The following MTOR variants were observed in gnomAD, a reference collection of about 807,000 sequenced individuals.
MTOR encodes the protein serine/threonine-protein kinase mTOR.
A neutral mutation model predicts 319.8 loss-of-function variants in MTOR; 70 were observed. The observed-to-expected ratio is 0.22, with a 90% confidence interval of 0.18 to 0.27. MTOR has a LOEUF of 0.27. Among genes scored for constraint, MTOR ranks in the 10% least tolerant of loss-of-function variants. MTOR has a pLI of 1.00. For missense variants in MTOR, 1,890 were observed against 3,274.4 expected, an observed-to-expected ratio of 0.58 and a Z score of 10.32; for synonymous variants, 1,183 against 1,211.4, an observed-to-expected ratio of 0.98 and a Z score of 0.49.
At chr1:11,157,416 C>T in intron 29 of MTOR, 125 bp from the exon 30 acceptor site, 1 of 1,224,288 alleles carries the variant, frequency 8.2e-7, no homozygotes, top group Non-Finnish European at 1.1e-6. Context: ...ACAGTTACGT[C>T]TGGGCTTGGA....
At chr1:11,160,131 G>A (rs375220150) in intron 29 of MTOR, among the ~76,000 whole-genome samples, 6 of 134,398 alleles carry the variant, frequency 4.5e-5, no homozygotes, top group African/African-American at 8.0e-5. Flanking sequence ...GCAGAGTTTC[G>A]CTCTTGTTGC....
At position 11,112,855 on chromosome 1, in the gene MTOR, C is replaced by G; in HGVS notation, c.7363G>C (p.Val2455Leu). 1 of 1,614,242 alleles carries G rather than the reference C, an allele frequency of 6.2e-7. No individual in the cohort carries two copies. Among genetic ancestry groups the G allele is most frequent in the Non-Finnish European group, 8.5e-7 (1 of 1,180,052 alleles). ...RTDSYSAGQS[V>L]EILDGVELGE... ...GACCTCCCGTGGATGCACCTACCGA[C>G]TGACTGGCCAGCAGAGTAGGAATCC... Residue 2455 changes from valine (V) to leucine (L), a missense_variant, in exon 54 of 58, where the codon GTC (valine) becomes CTC (leucine). Val to Leu is a conservative substitution (Grantham distance 32, BLOSUM62 1). Transcript: ENST00000361445.
At chr1:11,248,861 G>GGATT (rs1649206486) in intron 6 of MTOR, among the ~76,000 whole-genome samples, 1 of 152,054 alleles carries the variant, frequency 6.6e-6, no homozygotes, top group African/African-American at 2.4e-5. Flanking sequence ...CAGAATCCTA[G>GGATT]GATTCCACAG....
At position 11,128,308 on chromosome 1, in the gene MTOR, T is replaced by A; in HGVS notation, c.5910+146A>T. Reference sequence around the variant, plus strand: ...TTTTTAGCAAGGCTCCCGGGCCCTCTGGGACGGCTGGCTGGACAGACCCTC... The same window carrying A: ...TTTTTAGCAAGGCTCCCGGGCCCTCAGGGACGGCTGGCTGGACAGACCCTC... On this transcript the variant is annotated intron_variant, in intron 42 of 57. Transcript: ENST00000361445. The surrounding 1 kb of genome is among the most constrained non-coding windows in gnomAD (Gnocchi z 5.3). The A allele has an allele frequency of 8.2e-7, 1 of 1,216,562 alleles. No individual in the cohort carries two copies. The highest frequency in any genetic ancestry group is 1.2e-6 in the Non-Finnish European group (1 of 865,388). The allele number at this position is 1,216,562 out of a possible 1,614,324, so 75.4% of individuals were successfully genotyped here. A position where few individuals can be genotyped will look rare whatever the true frequency, so the allele number is the denominator to read the frequency against.
In MTOR at chr1:11,106,899, C is replaced by A. The variant is rs752118655; in HGVS notation, c.*586G>T. Reference sequence around the variant, plus strand: ...AGGTCTTGAATTGAAGCGTGTGAGTCGCAGCATCACTGGGTCTGATGGAAG... The same window carrying A: ...AGGTCTTGAATTGAAGCGTGTGAGTAGCAGCATCACTGGGTCTGATGGAAG... On this transcript the variant is annotated 3_prime_UTR_variant, in exon 58 of 58. Transcript: ENST00000361445. 7.3e-7 allele frequency: 1 copy of A among 1,364,232 alleles called. No individual in the cohort carries two copies. The highest frequency in any genetic ancestry group is 1.2e-5 in the South Asian group (1 of 80,908). 84.5% of individuals were successfully genotyped at this position (1,364,232 alleles called of 1,614,324 possible).
chr1:11,160,331 C>T (rs1447716893), intron 29 of MTOR, among the ~76,000 whole-genome samples: 1 of 152,118 alleles, frequency 6.6e-6, no homozygotes, highest in African/African-American at 2.4e-5. Flanking sequence ...AACTCCTGAT[C>T]TCAGGTGATC....
chr1:11,222,320 C>T (rs1646694630), intron 19 of MTOR, among the ~76,000 whole-genome samples: 1 of 152,028 alleles, frequency 6.6e-6, no homozygotes, highest in Admixed American at 6.6e-5. Context: ...TCTCAGCCTC[C>T]CACGTAGCTG....
chr1:11,250,249 G>A (rs1337741244), intron 6 of MTOR, among the ~76,000 whole-genome samples: 3 of 131,290 alleles, frequency 2.3e-5, no homozygotes, highest in African/African-American at 3.1e-5. Context: ...CCTCCCGGAC[G>A]GGGCGGCTGG....
intron 28 of MTOR, among the ~76,000 whole-genome samples, chr1:11,183,387 C>T (rs1645218706): frequency 6.6e-6 from 1 of 152,152 alleles, no homozygotes; most frequent in African/African-American, 2.4e-5. Context: ...TCCACCTCAA[C>T]CTCCCGAGTA....
At position 11,220,998 on chromosome 1, in the gene MTOR, A is replaced by T. The variant is rs77572757; in HGVS notation, c.3031-4764T>A. On this transcript the variant is annotated intron_variant, in intron 19 of 57. Transcript: ENST00000361445. ...TCTTATATAACTAAAACAAAAGTTA[A>T]TTTTTTTTTTTTTGGAGATGGAGTC... 1.0e-3 allele frequency among the ~76,000 whole-genome samples: 150 copies of T among 145,278 alleles called. 1 individual carries two copies. The highest frequency in any genetic ancestry group is 5.1e-3 in the Admixed American group (74 of 14,516).
At chr1:11,210,990 T>A (rs1646294747) in intron 23 of MTOR, 84 bp from the exon 24 acceptor site, 1 of 766,246 alleles carries the variant, frequency 1.3e-6, no homozygotes. Flanking sequence ...TACAACTACA[T>A]TATGACCATT....
chr1:11,165,856 T>A (rs1644626735), intron 29 of MTOR, among the ~76,000 whole-genome samples: 1 of 152,208 alleles, frequency 6.6e-6, no homozygotes, highest in East Asian at 1.9e-4. Context: ...ACTACAAGGC[T>A]ACAGTAACCA....
intron 13 of MTOR, among the ~76,000 whole-genome samples, chr1:11,235,436 A>T (rs182966384): frequency 3.0e-4 from 45 of 152,144 alleles, no homozygotes; most frequent in Admixed American, 5.9e-4. Context: ...GTGAGACGAG[A>T]TCCCACCATT....
In MTOR at chr1:11,109,396, C is replaced by T. The variant is rs368252645; in HGVS notation, c.7448-26G>A. ...CTGGAATACACAAAAGTAGAAATAACTGTAAGAATGGGAGCAATACAACAG... is the reference window on the plus strand; with the variant it reads ...CTGGAATACACAAAAGTAGAAATAATTGTAAGAATGGGAGCAATACAACAG... On this transcript the variant is annotated intron_variant, in intron 55 of 57. Coordinates refer to ENST00000361445, the MANE Select transcript of MTOR (RefSeq NM_004958.4). This position sits in a 1 kb window ranked among gnomAD's most constrained non-coding sequence, Gnocchi z 4.0. The T allele has an allele frequency of 3.7e-6, 6 of 1,605,750 alleles. No individual in the cohort carries two copies. In the African/African-American group the frequency reaches 4.0e-5, roughly 11 times the overall value.
intron 29 of MTOR, 54 bp from the exon 30 acceptor site, chr1:11,157,345 T>C (rs1227207868): frequency 1.3e-6 from 2 of 1,582,968 alleles, no homozygotes; most frequent in South Asian, 1.2e-5. Flanking sequence ...AGGGATCACA[T>C]TGTTTAATCC....
In MTOR at chr1:11,121,370, T is replaced by A; in HGVS notation, c.6811-2A>T. 6.2e-7 allele frequency: 1 copy of A among 1,614,038 alleles called. No homozygotes were observed. The highest frequency in any genetic ancestry group is 8.5e-7 in the Non-Finnish European group (1 of 1,180,020). On this transcript the variant is annotated splice_acceptor_variant, in intron 48 of 57. Coordinates refer to ENST00000361445, the MANE Select transcript of MTOR (RefSeq NM_004958.4). LOFTEE classifies it high-confidence loss of function. The surrounding 1 kb of genome is among the most constrained non-coding windows in gnomAD (Gnocchi z 4.9). ...CAAGTGGTCATAGTCCGGAGCCATCTGCATCAGGACACAACTGTTCAGTAA... is the reference window on the plus strand; with the variant it reads ...CAAGTGGTCATAGTCCGGAGCCATCAGCATCAGGACACAACTGTTCAGTAA...
chr1:11,231,082 A>C, intron 17 of MTOR, 28 bp from the exon 18 acceptor site: 5 of 1,614,136 alleles, frequency 3.1e-6, no homozygotes, highest in Non-Finnish European at 4.2e-6. Context: ...GGGAAAAAAG[A>C]AAACATTCAT....
chr1:11,122,562 C>T (rs1317489538), intron 47 of MTOR, among the ~76,000 whole-genome samples: 1 of 142,796 alleles, frequency 7.0e-6, no homozygotes, highest in Non-Finnish European at 1.5e-5. Flanking sequence ...GGCTGGAATG[C>T]AGTGTCACTA....
intron 28 of MTOR, among the ~76,000 whole-genome samples, chr1:11,184,060 C>T (rs912413080): frequency 1.3e-5 from 2 of 152,222 alleles, no homozygotes; most frequent in Non-Finnish European, 2.9e-5. Context: ...GCCTTACTTA[C>T]TGCAGCTTTA....
Sources: allele counts gnomAD v4.1 joint callset (sites outside exome capture counted in the v4.1 genomes callset), GRCh38; gene constraint gnomAD v4.1.1; non-coding constraint Gnocchi (gnomAD v3.1); transcripts MANE v1.5; gene names NCBI Gene and HGNC (gene_info 2026-07-23, HGNC 2026-07-21).